LAMA3: variants seen among roughly 807,000 people sequenced by gnomAD.
The protein encoded by LAMA3 is laminin subunit alpha 3, also known as laminin subunit alpha-3.
Under a neutral mutation model 402.0 loss-of-function variants are expected in LAMA3, and 281 were observed. The observed-to-expected ratio is 0.70, with a 90% CI of 0.63 to 0.77. LAMA3 has a LOEUF of 0.77. LAMA3 is among the 30% of genes least tolerant of loss of function. The probability of loss-of-function intolerance (pLI) is 0.00; values close to 1 mark genes in which losing one functional copy is unlikely to be tolerated. For synonymous variants in LAMA3, 1,431 were observed against 1,558.4 expected, an observed-to-expected ratio of 0.92 and a Z score of 1.93; for missense variants, 3,840 against 4,215.5, an observed-to-expected ratio of 0.91 and a Z score of 2.47.
intron 61 of LAMA3, 50 bp from the exon 62 acceptor site, chr18:23,921,402 G>A: frequency 1.3e-6 from 2 of 1,597,338 alleles, no homozygotes; most frequent in Non-Finnish European, 1.7e-6. Context: ...CCTGTGAATA[G>A]GATTCTCTTA....
At chr18:23,752,557 G>T (rs2061772390) in intron 5 of LAMA3, among the ~76,000 whole-genome samples, 1 of 152,258 alleles carries the variant, frequency 6.6e-6, no homozygotes, top group Admixed American at 6.5e-5. Flanking sequence ...CTGACTGGGG[G>T]CTTCTCTTGC....
At position 23,758,502 on chromosome 18, in the gene LAMA3, G is replaced by C. The variant is rs1344062987; in HGVS notation, c.1054G>C (p.Glu352Gln). 2.5e-6 allele frequency: 4 copies of C among 1,613,410 alleles called. No individual in the cohort carries two copies. The highest frequency in any genetic ancestry group is 3.3e-5 in the Admixed American group (2 of 59,994). Residue 352 changes from glutamate (E) to glutamine (Q), a missense_variant, in exon 7 of 75, where the codon GAG (glutamate) becomes CAG (glutamine). By Grantham distance (29) the Glu-to-Gln change is conservative (BLOSUM62 2). Around this residue, in one of 3 missense-constraint regions of LAMA3, gnomAD observed 2,109 missense variants for 2,376.0 expected, o/e 0.89. Coordinates refer to ENST00000313654, the MANE Select transcript of LAMA3 (RefSeq NM_198129.4). ...WRPAAWEQSH[E>Q]CEACNCHGHA... The stretch of plus-strand genomic sequence containing the variant: ...GCCCGCCGCTTGGGAGCAGAGCCAC[G>C]AGTGTGAAGGTGGGTGTGGGGATGG...
Position 23,954,732 on chromosome 18 carries a change from C to T in LAMA3, c.*84C>T. On this transcript the variant is annotated 3_prime_UTR_variant, in exon 75 of 75. Transcript: ENST00000313654. Reference sequence around the variant, plus strand: ...CCTCCCTCCCCAGCTCGAGATCATTCTTCACTCAGGACACAAACCAGACAG... The same window carrying T: ...CCTCCCTCCCCAGCTCGAGATCATTTTTCACTCAGGACACAAACCAGACAG... 1.4e-6 allele frequency: 2 copies of T among 1,417,730 alleles called. No homozygotes were observed. Among genetic ancestry groups the T allele is most frequent in the Non-Finnish European group, 1.0e-6 (1 of 1,003,036 alleles). The allele number at this position is 1,417,730 out of a possible 1,614,324, so 87.8% of individuals were successfully genotyped here.
intron 41 of LAMA3, among the ~76,000 whole-genome samples, chr18:23,888,470 G>A (rs776284130): frequency 1.1e-4 from 17 of 152,096 alleles, no homozygotes; most frequent in African/African-American, 1.4e-4. Context: ...CCAGGTGACC[G>A]TAGGGATATA....
chr18:23,879,113 A>G lies in LAMA3; in HGVS notation c.5112+2706A>G, dbSNP rs1598984734. ...CTTTTATTTTCTGCTACTTGAGCCC[A>G]TCTTCCCCTCTGCAGTTGCAATGGA... On this transcript the variant is annotated intron_variant, in intron 39 of 74. Coordinates refer to ENST00000313654, the MANE Select transcript of LAMA3 (RefSeq NM_198129.4). The surrounding 1 kb of genome is among the most constrained non-coding windows in gnomAD (Gnocchi z 4.2). Among the ~76,000 whole-genome samples the G allele has an allele frequency of 6.6e-6, 1 of 151,462 alleles. No homozygotes were observed. Among genetic ancestry groups the G allele is most frequent in the South Asian group, 2.1e-4 (1 of 4,808 alleles).
chr18:23,769,129 CT>C (rs1261913359), intron 8 of LAMA3, among the ~76,000 whole-genome samples: 3 of 152,156 alleles, frequency 2.0e-5, no homozygotes, highest in Non-Finnish European at 4.4e-5. Context: ...CATGTACCCC[CT>C]GAATCTAAAA....
At position 23,700,385 on chromosome 18, in the gene LAMA3, G is replaced by A. The variant is rs372983103; in HGVS notation, c.294+10408G>A. The stretch of plus-strand genomic sequence containing the variant: ...GAAGGAAGAGGATTGCATGGAAACC[G>A]TTGAAAAATTGGGCTTTAAGACTTC... On this transcript the variant is annotated intron_variant, in intron 1 of 74. Transcript: ENST00000313654. Among the ~76,000 whole-genome samples the A allele has an allele frequency of 2.0e-5, 3 of 152,234 alleles. No homozygotes were observed. The East Asian group carries it at 5.8e-4, about 29-fold the overall frequency.
In LAMA3 at chr18:23,857,543, G is replaced by A. The variant is rs1248200699; in HGVS notation, c.4137-301G>A. ...AGGTTGTCATCATTTCCACTTATGG[G>A]CCATCTGCGGGAGCCCTCCAGGCTC... On this transcript the variant is annotated intron_variant, in intron 32 of 74. Transcript: ENST00000313654. Among the ~76,000 whole-genome samples, 6 of 152,184 alleles carry A rather than the reference G, an allele frequency of 3.9e-5. No individual in the cohort carries two copies. In the East Asian group the frequency reaches 1.2e-3, roughly 29 times the overall value.
intron 42 of LAMA3, among the ~76,000 whole-genome samples, chr18:23,892,405 A>T (rs1227112797): frequency 6.6e-6 from 1 of 151,580 alleles, no homozygotes; most frequent in Admixed American, 6.6e-5. Flanking sequence ...TTTTTCTTCA[A>T]CTAATAAGGG....
chr18:23,694,513 A>G (rs1174569137), intron 1 of LAMA3, among the ~76,000 whole-genome samples: 1 of 152,214 alleles, frequency 6.6e-6, no homozygotes, highest in Non-Finnish European at 1.5e-5. Context: ...ACAACAATTT[A>G]TGAATGTATG....
intron 38 of LAMA3, chr18:23,873,312 G>C: frequency 9.3e-7 from 1 of 1,080,996 alleles, no homozygotes; most frequent in Non-Finnish European, 1.4e-6. Context: ...TAAATGGGTG[G>C]ACTGAGGAGG....
In LAMA3 at chr18:23,736,953, C is replaced by CA. The variant is rs568574712; in HGVS notation, c.448-10989dup. ...ACCTACCCTCTTAAGACCCAGACTGCATTCCCCTAGAAGTAGCTGGATTGT... is the reference window on the plus strand; with the variant it reads ...ACCTACCCTCTTAAGACCCAGACTGCAATTCCCCTAGAAGTAGCTGGATTGT... On this transcript the variant is annotated intron_variant, in intron 2 of 74. Coordinates refer to ENST00000313654, the MANE Select transcript of LAMA3 (RefSeq NM_198129.4). Among the ~76,000 whole-genome samples the CA allele has an allele frequency of 1.2e-4, 18 of 152,294 alleles. No individual in the cohort carries two copies. The East Asian group carries it at 3.3e-3, about 28-fold the overall frequency.
At position 23,939,321 on chromosome 18, in the gene LAMA3, C is replaced by A. The variant is rs1425805888; in HGVS notation, c.8961C>A (p.Leu2987=). The change falls in exon 68 of 75, where the codon CTC becomes CTA. Residue 2987 remains leucine, a synonymous_variant. Transcript: ENST00000313654. ...AGACCCAGGCCAATCATGGAGCCCT[C>A]CAGTTTGGGGACATTCCCACCAGCC... ...LPKTQANHGA[L]QFGDIPTSHL... 1 of 1,614,228 alleles carries A rather than the reference C, an allele frequency of 6.2e-7. No individual in the cohort carries two copies. Among genetic ancestry groups the A allele is most frequent in the Non-Finnish European group, 8.5e-7 (1 of 1,180,032 alleles).
chr18:23,936,002 AT>A (rs1368556371), intron 67 of LAMA3, among the ~76,000 whole-genome samples: 1 of 152,002 alleles, frequency 6.6e-6, no homozygotes, highest in Non-Finnish European at 1.5e-5. Flanking sequence ...GGTGCAAGAC[AT>A]GCTGCATGCA....
At chr18:23,690,754 G>T (rs1018855565) in intron 1 of LAMA3, among the ~76,000 whole-genome samples, 2 of 148,508 alleles carry the variant, frequency 1.3e-5, no homozygotes, top group Non-Finnish European at 3.0e-5. Flanking sequence ...GGGACTACAG[G>T]CGTGCCCCCC....
intron 1 of LAMA3, among the ~76,000 whole-genome samples, chr18:23,704,883 TTAGGAAC>T (rs370198203): frequency 1.2e-4 from 18 of 152,048 alleles, no homozygotes; most frequent in African/African-American, 4.3e-4. Context: ...ATAAAAAATG[TTAGGAAC>T]TAGGAGAGAC....
chr18:23,741,012 G>A (rs921628329), intron 2 of LAMA3, among the ~76,000 whole-genome samples: 1 of 151,242 alleles, frequency 6.6e-6, no homozygotes, highest in Non-Finnish European at 1.5e-5. Flanking sequence ...GGAGTGCAGT[G>A]GTGCGACCTT....
At chr18:23,868,649 A>T (rs2064428490) in intron 37 of LAMA3, among the ~76,000 whole-genome samples, 1 of 152,186 alleles carries the variant, frequency 6.6e-6, no homozygotes, top group Non-Finnish European at 1.5e-5. Flanking sequence ...GAGCTTATAA[A>T]TGCTATGACA....
At chr18:23,894,406 T>A (rs551225895) in intron 43 of LAMA3, 58 bp downstream of exon 43, 2 of 1,414,984 alleles carry the variant, frequency 1.4e-6, no homozygotes, top group South Asian at 1.1e-5. Context: ...GTTTAAGATA[T>A]GTGAGCACCA....
Sources: gnomAD v4.1 joint callset for allele counts (sites outside exome capture counted in the v4.1 genomes callset) on GRCh38, gnomAD v4.1.1 for gene constraint, gnomAD v4.1.1 regional missense constraint, Gnocchi (gnomAD v3.1) non-coding constraint, MANE v1.5 for transcripts, NCBI Gene and HGNC (gene_info 2026-07-23, HGNC 2026-07-21) for gene names.